The following IMMP2L variants were observed in gnomAD, a reference collection of about 807,000 sequenced individuals.
The protein encoded by IMMP2L is inner mitochondrial membrane peptidase subunit 2.
IMMP2L carries 18 observed loss-of-function variants against 19.3 expected under a neutral mutation model. The observed-to-expected ratio is 0.93, with a 90% CI of 0.64 to 1.38. The LOEUF (loss-of-function observed/expected upper bound fraction) is 1.38. Among genes scored for constraint, IMMP2L ranks in the 40% most tolerant of loss-of-function variants. The pLI is 0.00. For synonymous variants in IMMP2L, 76 were observed against 73.0 expected, an observed-to-expected ratio of 1.04 and a Z score of -0.21; for missense variants, 233 against 218.2, an observed-to-expected ratio of 1.07 and a Z score of -0.43.
Position 110,882,022 on chromosome 7 carries a change from G to C in IMMP2L, c.408+4571C>G, listed in dbSNP as rs539368721. Among the ~76,000 whole-genome samples, 6 of 152,186 alleles carry C rather than the reference G, an allele frequency of 3.9e-5. No homozygotes were observed. The South Asian group carries it at 1.2e-3, about 32-fold the overall frequency. On this transcript the variant is annotated intron_variant, in intron 5 of 5. Transcript: ENST00000405709. Reference sequence around the variant, plus strand: ...TAGAGTATTTGCTACAATGTGTTGTGAAGGACTGATTGTCTCCCTCCCTTC... The same window carrying C: ...TAGAGTATTTGCTACAATGTGTTGTCAAGGACTGATTGTCTCCCTCCCTTC...
intron 3 of IMMP2L, among the ~76,000 whole-genome samples, chr7:111,159,284 T>C (rs1231123011): frequency 6.6e-6 from 1 of 152,006 alleles, no homozygotes; most frequent in Non-Finnish European, 1.5e-5. Flanking sequence ...CCCAGCTAAT[T>C]TTTGTATTTT....
At chr7:111,317,340 A>C (rs140500849) in intron 3 of IMMP2L, among the ~76,000 whole-genome samples, 1 of 152,278 alleles carries the variant, frequency 6.6e-6, no homozygotes, top group African/African-American at 2.4e-5. Context: ...TTGTCAGTAT[A>C]TCATTATTCA....
At chr7:111,555,291 A>G (rs2133134836) in intron 1 of IMMP2L, among the ~76,000 whole-genome samples, 1 of 152,274 alleles carries the variant, frequency 6.6e-6, no homozygotes, top group South Asian at 2.1e-4. Flanking sequence ...AGAATAATGT[A>G]TGCAAAAGGG....
At chr7:110,961,232 C>CA (rs1818899962) in intron 4 of IMMP2L, among the ~76,000 whole-genome samples, 1 of 151,672 alleles carries the variant, frequency 6.6e-6, no homozygotes, top group African/African-American at 2.4e-5. Context: ...ATATAGATAC[C>CA]AAAATCCCCC....
chr7:110,864,157 T>C (rs1807745785), intron 5 of IMMP2L, among the ~76,000 whole-genome samples: 1 of 152,140 alleles, frequency 6.6e-6, no homozygotes, highest in African/African-American at 2.4e-5. Flanking sequence ...GTTTCTAATG[T>C]CTTGCATTAT....
At chr7:110,958,871 A>C (rs1217599363) in intron 4 of IMMP2L, among the ~76,000 whole-genome samples, 2 of 152,018 alleles carry the variant, frequency 1.3e-5, no homozygotes, top group Non-Finnish European at 2.9e-5. Flanking sequence ...CAGATCGGCA[A>C]AAGCAATGTG....
At chr7:110,703,271 A>C (rs1334985254) in intron 5 of IMMP2L, among the ~76,000 whole-genome samples, 1 of 152,114 alleles carries the variant, frequency 6.6e-6, no homozygotes, top group Non-Finnish European at 1.5e-5. Flanking sequence ...TGCATTCCAG[A>C]GATAATCCCC....
At chr7:110,956,068 T>C (rs973039283) in intron 4 of IMMP2L, among the ~76,000 whole-genome samples, 2 of 152,060 alleles carry the variant, frequency 1.3e-5, no homozygotes, top group African/African-American at 4.8e-5. Flanking sequence ...TAGGCTAATA[T>C]TGATTTCCAC....
chr7:111,208,032 C>T (rs964945659), intron 3 of IMMP2L, among the ~76,000 whole-genome samples: 1 of 152,068 alleles, frequency 6.6e-6, no homozygotes, highest in Non-Finnish European at 1.5e-5. Flanking sequence ...GACCCCCTAC[C>T]AAACAAACTA....
chr7:110,725,422 T>C (rs1795825671), intron 5 of IMMP2L, among the ~76,000 whole-genome samples: 1 of 152,166 alleles, frequency 6.6e-6, no homozygotes, highest in East Asian at 1.9e-4. Flanking sequence ...AGATGAAAGA[T>C]TTTATTAATA....
chr7:110,699,863 GA>G (rs796723629), intron 5 of IMMP2L, among the ~76,000 whole-genome samples: 38 of 151,976 alleles, frequency 2.5e-4, no homozygotes, highest in African/African-American at 8.2e-4. Context: ...GGGCCTTGAA[GA>G]AGAAAAAAAC....
chr7:111,141,779 T>C (rs1802922047), intron 3 of IMMP2L, among the ~76,000 whole-genome samples: 1 of 152,148 alleles, frequency 6.6e-6, no homozygotes, highest in South Asian at 2.1e-4. Context: ...TAGTCCAGGC[T>C]GGTCTCAAAA....
At chr7:110,836,551 G>T (rs562456063) in intron 5 of IMMP2L, among the ~76,000 whole-genome samples, 22 of 152,178 alleles carry the variant, frequency 1.4e-4, no homozygotes, top group African/African-American at 5.3e-4. Context: ...TGATTGTGAG[G>T]CCTCCCCAGC....
chr7:111,436,493 C>T (rs1837176740), intron 3 of IMMP2L, among the ~76,000 whole-genome samples: 1 of 151,684 alleles, frequency 6.6e-6, no homozygotes, highest in East Asian at 1.9e-4. Flanking sequence ...GGACTTGTCT[C>T]CCAAGTCTTT....
At chr7:111,294,317 C>A (rs1821407234) in intron 3 of IMMP2L, among the ~76,000 whole-genome samples, 1 of 151,780 alleles carries the variant, frequency 6.6e-6, no homozygotes, top group South Asian at 2.1e-4. Context: ...GGAACATGGG[C>A]ATAAACCTAA....
At chr7:110,767,384 T>C (rs958015693) in intron 5 of IMMP2L, among the ~76,000 whole-genome samples, 1 of 152,194 alleles carries the variant, frequency 6.6e-6, no homozygotes, top group Non-Finnish European at 1.5e-5. Context: ...CATTTTTAAA[T>C]AATTGATTTT....
intron 3 of IMMP2L, among the ~76,000 whole-genome samples, chr7:111,307,506 T>C (rs1393878285): frequency 2.0e-5 from 3 of 151,920 alleles, no homozygotes; most frequent in African/African-American, 2.4e-5. Context: ...GGTAAAAATA[T>C]AGAAGGTTCC....
intron 3 of IMMP2L, among the ~76,000 whole-genome samples, chr7:110,991,480 G>T (rs1328934777): frequency 6.6e-6 from 1 of 151,922 alleles, no homozygotes; most frequent in Non-Finnish European, 1.5e-5. Context: ...TTTTAATCTG[G>T]TCAGTGTGTC....
intron 3 of IMMP2L, among the ~76,000 whole-genome samples, chr7:111,444,845 A>C (rs1434550221): frequency 6.6e-6 from 1 of 152,110 alleles, no homozygotes; most frequent in African/African-American, 2.4e-5. Context: ...TGCCCCTCTA[A>C]TTACAGTAGG....
Sources: gnomAD v4.1 joint callset for allele counts (sites outside exome capture counted in the v4.1 genomes callset) on GRCh38, gnomAD v4.1.1 for gene constraint, MANE v1.5 for transcripts, NCBI Gene and HGNC (gene_info 2026-07-23, HGNC 2026-07-21) for gene names.